Variants in EP300 observed in about 807,000 individuals in gnomAD.
EP300 encodes the protein EP300 lysine acetyltransferase, also known as histone acetyltransferase p300.
EP300 carries 31 observed loss-of-function variants against 264.0 expected under a neutral mutation model. The observed-to-expected ratio is 0.12, with a 90% confidence interval of 0.09 to 0.16. The LOEUF (loss-of-function observed/expected upper bound fraction) is 0.16, where lower values mean the gene tolerates loss of function less well. Among genes scored for constraint, EP300 ranks in the 10% least tolerant of loss-of-function variants. The pLI is 1.00. For synonymous variants in EP300, 1,340 were observed against 1,045.4 expected (o/e 1.28, Z -5.44); for missense variants, 2,766 against 3,052.9 (o/e 0.91, Z 2.21).
intron 1 of EP300, among the ~76,000 whole-genome samples, chr22:41,095,093 C>T (rs998331300): frequency 3.3e-5 from 5 of 152,064 alleles, no homozygotes; most frequent in African/African-American, 1.2e-4. Flanking sequence ...ACCCCCCTCC[C>T]CAAATCAAGA....
In EP300 at chr22:41,160,624, T is replaced by G. The variant is rs1291397780; in HGVS notation, c.3591-18T>G. ...GTGAACGGAACAGTTCACCCCAGTATGGCCTTCTTGCCGACAGGTATCATT... is the reference window on the plus strand; with the variant it reads ...GTGAACGGAACAGTTCACCCCAGTAGGGCCTTCTTGCCGACAGGTATCATT... On this transcript the variant is annotated intron_variant, in intron 19 of 30. Coordinates refer to ENST00000263253, the MANE Select transcript of EP300 (RefSeq NM_001429.4). 6.2e-7 allele frequency: 1 copy of G among 1,613,352 alleles called. No individual in the cohort carries two copies. The highest frequency in any genetic ancestry group is 8.5e-7 in the Non-Finnish European group (1 of 1,179,504).
At chr22:41,139,173 C>T (rs2058968400) in intron 8 of EP300, among the ~76,000 whole-genome samples, 2 of 152,094 alleles carry the variant, frequency 1.3e-5, no homozygotes, top group African/African-American at 4.8e-5. Context: ...AGGCTGGTCT[C>T]GAACTCCTGA....
chr22:41,149,696 C>A, intron 13 of EP300, 65 bp from the exon 14 acceptor site: 1 of 1,501,516 alleles, frequency 6.7e-7, no homozygotes, highest in Non-Finnish European at 9.2e-7. Flanking sequence ...ATATATCATG[C>A]CTATGTAAGT....
At chr22:41,168,010 CG>C (rs2059149934) in intron 23 of EP300, among the ~76,000 whole-genome samples, 1 of 150,074 alleles carries the variant, frequency 6.7e-6, no homozygotes, top group African/African-American at 2.5e-5. Flanking sequence ...TTAGTAGAGA[CG>C]GGGTTTCAGC....
In EP300 at chr22:41,135,816, C is replaced by G. The variant is rs374245119; in HGVS notation, c.1532C>G (p.Ala511Gly). The G allele has an allele frequency of 2.4e-5, 39 of 1,610,752 alleles. No individual in the cohort carries two copies. The highest frequency in any genetic ancestry group is 1.9e-5 in the Non-Finnish European group (22 of 1,177,140). ...QGMRPMSNMS[A>G]SPMGVNGGVG... ...CTGTTATTTCATTTTGACTTAGGTG[C>G]TAGTCCTATGGGAGTAAATGGAGGT... The change falls in exon 7 of 31, where the codon GCT (alanine) becomes GGT (glycine). Residue 511 changes from alanine (A) to glycine (G), a missense_variant. Ala to Gly is a moderately conservative substitution (Grantham distance 60). Coordinates refer to ENST00000263253, the MANE Select transcript of EP300 (RefSeq NM_001429.4).
chr22:41,128,917 G>A (rs768537012), intron 4 of EP300, among the ~76,000 whole-genome samples: 1 of 152,086 alleles, frequency 6.6e-6, no homozygotes, highest in East Asian at 1.9e-4. Flanking sequence ...TCTTGGCTGC[G>A]TCCATTCTGT....
In EP300 at chr22:41,141,191, C is replaced by T. The variant is rs2145726399; in HGVS notation, c.2022C>T (p.Asn674=). Residue 674 remains asparagine, a synonymous_variant, in exon 10 of 31, where the codon AAC becomes AAT. Coordinates refer to ENST00000263253, the MANE Select transcript of EP300 (RefSeq NM_001429.4). The part of the protein sequence containing the change: ...MVPVSMNPGP[N]MGQPQPGMTS... ...CAGTTTCCATGAATCCAGGGCCTAA[C>T]ATGGGACAGCCGCAACCAGGAATGA... 6.2e-7 allele frequency: 1 copy of T among 1,614,174 alleles called. No homozygotes were observed. The highest frequency in any genetic ancestry group is 8.5e-7 in the Non-Finnish European group (1 of 1,180,036).
rs2145522941 is a variant in EP300, at chr22:41,178,641, C to A, written c.6930C>A (p.Pro2310=). Residue 2310 remains proline, a synonymous_variant, in exon 31 of 31, where the codon CCC becomes CCA. Coordinates refer to ENST00000263253, the MANE Select transcript of EP300 (RefSeq NM_001429.4). ...CTCTCTCCAATCAAGTGCGCTCTCC[C>A]CAGCCTGTCCCTTCTCCACGGCCAC... ...PNSLSNQVRS[P]QPVPSPRPQS... 3 of 1,614,180 alleles carry A rather than the reference C, an allele frequency of 1.9e-6. No homozygotes were observed. Among genetic ancestry groups the A allele is most frequent in the Non-Finnish European group, 2.5e-6 (3 of 1,180,042 alleles).
chr22:41,152,511 CT>C (rs1027518453), intron 16 of EP300, among the ~76,000 whole-genome samples, 161 bp downstream of exon 16: 1 of 150,890 alleles, frequency 6.6e-6, no homozygotes, highest in African/African-American at 2.4e-5. Flanking sequence ...AATAATTTTT[CT>C]TTCTTTTTTT....
Position 41,131,397 on chromosome 22 carries a change from C to T in EP300, c.1292C>T (p.Thr431Ile), listed in dbSNP as rs1488235491. The change falls in exon 6 of 31, where the codon ACT (threonine) becomes ATT (isoleucine). Residue 431 changes from threonine to isoleucine, a missense_variant. Thr to Ile is a moderately conservative substitution (Grantham distance 89, BLOSUM62 -1). Transcript: ENST00000263253. ...CTTTTGTCTTCTCTAGCAATTTTGA[C>T]TGGAGCACCCGTTGGACTTGGAAAT... The part of the protein sequence containing the change: ...GDKRNQQPIL[T>I]GAPVGLGNPS... 1 of 1,613,900 alleles carries T rather than the reference C, an allele frequency of 6.2e-7. No homozygotes were observed. The highest frequency in any genetic ancestry group is 2.2e-5 in the East Asian group (1 of 44,874).
In EP300 at chr22:41,150,088, G is replaced by A. The variant is rs2059035021; in HGVS notation, c.2707G>A (p.Ala903Thr). Residue 903 changes from alanine (A) to threonine (T), a missense_variant, in exon 14 of 31, where the codon GCT becomes ACT. Coordinates refer to ENST00000263253, the MANE Select transcript of EP300 (RefSeq NM_001429.4). ...CCAACAAGTGCAGCCTTCACTTCCT[G>A]CTGCACCTTCTGCTGACCAGCCCCA... ...LPQQVQPSLP[A>T]APSADQPQQQ... is the part of the protein sequence containing the mutation. 1.2e-6 allele frequency: 2 copies of A among 1,613,478 alleles called. No homozygotes were observed. Among genetic ancestry groups the A allele is most frequent in the African/African-American group, 2.7e-5 (2 of 74,910 alleles).
intron 9 of EP300, 75 bp from the exon 10 acceptor site, chr22:41,140,973 A>T (rs2145725662): frequency 7.3e-7 from 1 of 1,374,712 alleles, no homozygotes; most frequent in South Asian, 1.3e-5. Flanking sequence ...ATCTATTCTC[A>T]GTTTATTTTT....
chr22:41,172,991 ATC>A (rs1374271107), intron 28 of EP300, among the ~76,000 whole-genome samples: 1 of 152,218 alleles, frequency 6.6e-6, no homozygotes, highest in Non-Finnish European at 1.5e-5. Flanking sequence ...TGGGTCACAT[ATC>A]TCTGGCATAT....
chr22:41,115,601 TTTA>T (rs1291427209), intron 1 of EP300, among the ~76,000 whole-genome samples: 1 of 152,104 alleles, frequency 6.6e-6, no homozygotes, highest in Non-Finnish European at 1.5e-5. Flanking sequence ...CCCAGCCGAC[TTTA>T]TTGTTTGTAG....
At chr22:41,142,721 T>C (rs2058989921) in intron 10 of EP300, among the ~76,000 whole-genome samples, 1 of 152,034 alleles carries the variant, frequency 6.6e-6, no homozygotes, top group South Asian at 2.1e-4. Context: ...CCATCTCTAC[T>C]AAAAATACAA....
At chr22:41,159,867 G>A (rs562200196) in intron 19 of EP300, 1 of 152,254 alleles carries the variant, frequency 6.6e-6, no homozygotes, top group South Asian at 2.1e-4. Flanking sequence ...TAGAGACAGG[G>A]TTTCAGCATG....
rs2145740489 is a variant in EP300, at chr22:41,152,186, A to T, written c.2998-20A>T. ...ACTAGATATCTTTGGAATACTAAAA[A>T]TTCTTACGTTTTCTTTTAGTCTAAA... On this transcript the variant is annotated intron_variant, in intron 15 of 30. Coordinates refer to ENST00000263253, the MANE Select transcript of EP300 (RefSeq NM_001429.4). 1 of 1,613,334 alleles carries T rather than the reference A, an allele frequency of 6.2e-7. No individual in the cohort carries two copies. Among genetic ancestry groups the T allele is most frequent in the Non-Finnish European group, 8.5e-7 (1 of 1,179,274 alleles).
rs2058681371 is a variant in EP300, at chr22:41,092,941, G to T, written c.-64G>T. 2 of 1,585,266 alleles carry T rather than the reference G, an allele frequency of 1.3e-6. No homozygotes were observed. The highest frequency in any genetic ancestry group is 2.2e-5 in the East Asian group (1 of 44,738). On this transcript the variant is annotated 5_prime_UTR_variant, in exon 1 of 31. Transcript: ENST00000263253. ...CCCTGGGTGCGGCGCGGGGACCCCG[G>T]GCCGAAGAAGAGATTTCCTGAGGAT...
At chr22:41,135,057 C>A (rs993184645) in intron 6 of EP300, among the ~76,000 whole-genome samples, 1 of 152,066 alleles carries the variant, frequency 6.6e-6, no homozygotes, top group Non-Finnish European at 1.5e-5. Context: ...TAGGCGCACA[C>A]CACCACCTTT....
Sources: allele counts gnomAD v4.1 joint callset (sites outside exome capture counted in the v4.1 genomes callset), GRCh38; gene constraint gnomAD v4.1.1; transcripts MANE v1.5; gene names NCBI Gene and HGNC (gene_info 2026-07-23, HGNC 2026-07-21).